Variants in GPC3 observed in about 807,000 individuals in gnomAD.
GPC3 encodes the protein glypican-3.
Under a neutral mutation model 34.4 loss-of-function variants are expected in GPC3, and 3 were observed. The ratio of observed to expected loss-of-function variants is 0.09; its 90% CI spans 0.04 to 0.23. GPC3 has a LOEUF of 0.23. Among genes scored for constraint, GPC3 ranks in the 10% least tolerant of loss-of-function variants. The pLI, the probability that GPC3 is intolerant of heterozygous loss-of-function variation, is 1.00. For synonymous variants in GPC3, 177 were observed against 174.0 expected (o/e 1.02, Z -0.13); for missense variants, 351 against 445.6 (o/e 0.79, Z 1.91).
intron 6 of GPC3, among the ~76,000 whole-genome samples, chrX:133,656,259 A>G (rs2070663157): frequency 8.9e-6 from 1 of 112,509 alleles, no homozygotes; most frequent in Non-Finnish European, 1.9e-5. Context: ...TTGGCACTTG[A>G]AAATTATCAG....
intron 7 of GPC3, among the ~76,000 whole-genome samples, chrX:133,571,267 C>G (rs2069626807): frequency 8.9e-6 from 1 of 112,020 alleles, no homozygotes; most frequent in Admixed American, 9.4e-5. Flanking sequence ...TACCAACATA[C>G]AGTTAAGCAT....
At chrX:133,590,653 C>T (rs765369378) in intron 7 of GPC3, among the ~76,000 whole-genome samples, 1 of 111,773 alleles carries the variant, frequency 8.9e-6, no homozygotes, top group Admixed American at 9.5e-5. Context: ...TAATAGCATC[C>T]TAATGCAAAA....
intron 4 of GPC3, among the ~76,000 whole-genome samples, chrX:133,694,055 C>T (rs60931236): frequency 0.016 from 1,821 of 110,890 alleles, 32 homozygotes; most frequent in African/African-American, 0.056. Context: ...AAGATGAGGC[C>T]GCCTAATCTT....
At chrX:133,774,934 A>G (rs975640816) in intron 2 of GPC3, among the ~76,000 whole-genome samples, 1 of 111,158 alleles carries the variant, frequency 9.0e-6, no homozygotes, top group Non-Finnish European at 1.9e-5. Flanking sequence ...CAGTGTTACT[A>G]TCTTTCTCTG....
At chrX:133,859,503 C>A (rs2075925251) in intron 2 of GPC3, among the ~76,000 whole-genome samples, 1 of 111,717 alleles carries the variant, frequency 9.0e-6, no homozygotes. Context: ...GACCCCAGGG[C>A]CCACTTTAGC....
In GPC3 at chrX:133,756,261, C is replaced by T. The variant is rs140327047; in HGVS notation, c.338-2085G>A. Among the ~76,000 whole-genome samples, 519 of 112,390 alleles carry T rather than the reference C, an allele frequency of 4.6e-3. 3 individuals are homozygous for T. Among genetic ancestry groups the T allele is most frequent in the African/African-American group, 0.016 (488 of 30,947 alleles). On this transcript the variant is annotated intron_variant, in intron 2 of 7. Coordinates refer to ENST00000370818, the MANE Select transcript of GPC3 (RefSeq NM_004484.4). ...ACTAGTGTCTTCCATAACAGTTACACGCTTGCTGCCTTCGACCTACAGCCA... is the reference window on the plus strand; with the variant it reads ...ACTAGTGTCTTCCATAACAGTTACATGCTTGCTGCCTTCGACCTACAGCCA...
At chrX:133,855,538 T>C (rs2075896884) in intron 2 of GPC3, among the ~76,000 whole-genome samples, 1 of 105,233 alleles carries the variant, frequency 9.5e-6, no homozygotes, top group South Asian at 4.2e-4. Context: ...AAGATATATA[T>C]ATATATATAT....
chrX:133,941,123 G>A (rs931596741), intron 2 of GPC3, among the ~76,000 whole-genome samples: 1 of 112,649 alleles, frequency 8.9e-6, no homozygotes, highest in Non-Finnish European at 1.9e-5. Flanking sequence ...CTACTACTCT[G>A]TTGGTAGAAC....
chrX:133,543,144 A>C (rs764843366), intron 7 of GPC3, among the ~76,000 whole-genome samples: 10 of 110,400 alleles, frequency 9.1e-5, no homozygotes, highest in Non-Finnish European at 1.5e-4. Context: ...TTTTTTAGAC[A>C]GTCTCGCCGT....
At chrX:133,643,562 T>A (rs1176586621) in intron 6 of GPC3, among the ~76,000 whole-genome samples, 1 of 112,002 alleles carries the variant, frequency 8.9e-6, no homozygotes, top group Non-Finnish European at 1.9e-5. Flanking sequence ...ATTACTGTAA[T>A]ACTACTAATG....
At chrX:133,624,348 C>G (rs1055558229) in intron 6 of GPC3, among the ~76,000 whole-genome samples, 7 of 111,370 alleles carry the variant, frequency 6.3e-5, no homozygotes, top group Non-Finnish European at 1.3e-4. Flanking sequence ...AAAAACCCTT[C>G]AAAAAATCAA....
At chrX:133,933,572 A>G (rs995413971) in intron 2 of GPC3, among the ~76,000 whole-genome samples, 2 of 110,865 alleles carry the variant, frequency 1.8e-5, no homozygotes, top group African/African-American at 6.6e-5. Flanking sequence ...CCAATGCTGG[A>G]GGTGGGGCCT....
At chrX:133,714,872 G>A (rs2071300126) in intron 3 of GPC3, among the ~76,000 whole-genome samples, 2 of 111,984 alleles carry the variant, frequency 1.8e-5, no homozygotes, top group Admixed American at 1.9e-4. Flanking sequence ...CAGTTCTGAA[G>A]TACTTTTGAA....
At chrX:133,907,143 T>C (rs1406886459) in intron 2 of GPC3, among the ~76,000 whole-genome samples, 2 of 111,595 alleles carry the variant, frequency 1.8e-5, no homozygotes, top group Non-Finnish European at 3.8e-5. Context: ...GTGAGATTCC[T>C]TAACATACCC....
chrX:133,639,900 T>C (rs1361129046), intron 6 of GPC3, among the ~76,000 whole-genome samples: 1 of 110,927 alleles, frequency 9.0e-6, no homozygotes, highest in Non-Finnish European at 1.9e-5. Context: ...AGAGTGTGCC[T>C]TTCTGAGGGT....
At chrX:133,668,807 G>C (rs952055399) in intron 5 of GPC3, among the ~76,000 whole-genome samples, 8 of 111,756 alleles carry the variant, frequency 7.2e-5, no homozygotes, top group African/African-American at 2.6e-4. Flanking sequence ...ATCTCCAGCT[G>C]TGTGGGTTCC....
At chrX:133,909,555 T>C (rs2076187281) in intron 2 of GPC3, among the ~76,000 whole-genome samples, 1 of 111,805 alleles carries the variant, frequency 8.9e-6, no homozygotes, top group African/African-American at 3.3e-5. Flanking sequence ...AGATTCTCCA[T>C]ATTTCAGAAG....
chrX:133,692,220 C>T, intron 5 of GPC3, 149 bp downstream of exon 5: 1 of 593,844 alleles, frequency 1.7e-6, no homozygotes, highest in Non-Finnish European at 2.7e-6. Flanking sequence ...GCTGGGATTA[C>T]AGGCATGAGC....
chrX:133,955,729 G>A (rs1178469939), intron 1 of GPC3, among the ~76,000 whole-genome samples: 3 of 111,498 alleles, frequency 2.7e-5, no homozygotes, highest in South Asian at 7.6e-4. Flanking sequence ...ATGTGTATAT[G>A]GGATATAAGG....
Sources: allele counts gnomAD v4.1 joint callset (sites outside exome capture counted in the v4.1 genomes callset), GRCh38; gene constraint gnomAD v4.1.1; transcripts MANE v1.5; gene names NCBI Gene and HGNC (gene_info 2026-07-23, HGNC 2026-07-21).